MAGI2: variants seen among roughly 807,000 people sequenced by gnomAD.
MAGI2 encodes membrane-associated guanylate kinase, WW and PDZ domain-containing protein 2.
A neutral mutation model predicts 133.3 loss-of-function variants in MAGI2; 35 were observed. The observed-to-expected ratio is 0.26, with a 90% CI of 0.20 to 0.35. The LOEUF is 0.35. Among genes scored for constraint, MAGI2 ranks in the 10% least tolerant of loss-of-function variants. The pLI, the probability that MAGI2 is intolerant of heterozygous loss-of-function variation, is 1.00. For missense variants in MAGI2, 1,636 were observed against 1,863.4 expected (o/e 0.88, Z 2.25); for synonymous variants, 729 against 710.6 (o/e 1.03, Z -0.41).
intron 1 of MAGI2, among the ~76,000 whole-genome samples, chr7:79,449,571 T>C (rs942942308): frequency 6.6e-6 from 1 of 151,960 alleles, no homozygotes; most frequent in African/African-American, 2.4e-5. Context: ...CACTTCCATA[T>C]AGATCTCAAC....
chr7:79,050,481 C>T (rs1812575070), intron 1 of MAGI2, among the ~76,000 whole-genome samples: 2 of 152,148 alleles, frequency 1.3e-5, no homozygotes, highest in African/African-American at 4.8e-5. Context: ...CTGCTGGGCT[C>T]AAGCGATCCT....
chr7:79,105,973 A>G (rs1818419067), intron 1 of MAGI2, among the ~76,000 whole-genome samples: 1 of 152,216 alleles, frequency 6.6e-6, no homozygotes, highest in Admixed American at 6.5e-5. Context: ...AAGGAAAACA[A>G]AACAAAACAA....
rs538080851 is a variant in MAGI2, at chr7:78,627,035, A to G, written c.538+85T>C. 2.9e-5 allele frequency: 40 copies of G among 1,384,522 alleles called. No homozygotes were observed. The African/African-American group carries it at 4.3e-4, about 15-fold the overall frequency. The allele number at this position is 1,384,522 out of a possible 1,614,324, so 85.8% of individuals were successfully genotyped here. On this transcript the variant is annotated intron_variant, in intron 3 of 21. Coordinates refer to ENST00000354212, the MANE Select transcript of MAGI2 (RefSeq NM_012301.4). Reference sequence around the variant, plus strand: ...GCTCTCAAACCCAAAACAGCCCATTAGTAACCTGGTGTCCCCGTGCATTTC... The same window carrying G: ...GCTCTCAAACCCAAAACAGCCCATTGGTAACCTGGTGTCCCCGTGCATTTC...
intron 1 of MAGI2, among the ~76,000 whole-genome samples, chr7:79,325,217 C>T (rs983851056): frequency 2.0e-5 from 3 of 152,076 alleles, no homozygotes; most frequent in East Asian, 3.9e-4. Flanking sequence ...CTTTAGCATG[C>T]CACTGTCGCC....
intron 1 of MAGI2, among the ~76,000 whole-genome samples, chr7:79,406,676 G>A (rs895325726): frequency 1.3e-5 from 2 of 151,990 alleles, no homozygotes; most frequent in Admixed American, 6.6e-5. Context: ...CTACTTTTGA[G>A]TTACATAAGG....
intron 10 of MAGI2, among the ~76,000 whole-genome samples, chr7:78,250,132 T>C (rs929784948): frequency 1.3e-5 from 2 of 151,912 alleles, no homozygotes; most frequent in African/African-American, 4.8e-5. Context: ...AAATGAATAT[T>C]AAAAAACAGC....
rs572183123 is a variant in MAGI2, at chr7:79,049,990, G to A, written c.302-42784C>T. Reference sequence around the variant, plus strand: ...TCTGATTCTGTAGTCTGCTGTGTTCGCTGGCTGTTACTCAGGGAGCCTCAT... The same window carrying A: ...TCTGATTCTGTAGTCTGCTGTGTTCACTGGCTGTTACTCAGGGAGCCTCAT... On this transcript the variant is annotated intron_variant, in intron 1 of 21. Transcript: ENST00000354212. Among the ~76,000 whole-genome samples, 67 of 152,076 alleles carry A rather than the reference G, an allele frequency of 4.4e-4. No individual in the cohort carries two copies. The South Asian group carries it at 8.9e-3, about 20-fold the overall frequency.
intron 2 of MAGI2, among the ~76,000 whole-genome samples, chr7:78,902,987 G>A (rs1384185672): frequency 6.6e-6 from 1 of 151,974 alleles, no homozygotes; most frequent in African/African-American, 2.4e-5. Flanking sequence ...CAAATTACCA[G>A]GGTCATTCTA....
chr7:79,015,085 C>T (rs1808551133), intron 1 of MAGI2, among the ~76,000 whole-genome samples: 1 of 152,050 alleles, frequency 6.6e-6, no homozygotes, highest in South Asian at 2.1e-4. Context: ...AAGCTTATTT[C>T]ATTTTATATT....
intron 1 of MAGI2, among the ~76,000 whole-genome samples, chr7:79,335,036 G>A (rs923158088): frequency 1.3e-5 from 2 of 152,078 alleles, no homozygotes; most frequent in Non-Finnish European, 2.9e-5. Context: ...TTGGTTCTTG[G>A]TTTACATGGC....
At chr7:78,773,646 T>A (rs571594590) in intron 2 of MAGI2, among the ~76,000 whole-genome samples, 30 of 152,216 alleles carry the variant, frequency 2.0e-4, no homozygotes, top group Non-Finnish European at 3.8e-4. Context: ...AAAATTCTCC[T>A]TAAGGCGAGG....
Position 79,312,497 on chromosome 7 carries a change from C to T in MAGI2, c.301+140523G>A, listed in dbSNP as rs35970460. 7.6e-3 allele frequency among the ~76,000 whole-genome samples: 1,157 copies of T among 152,304 alleles called. 4 individuals carry two copies. Among genetic ancestry groups the T allele is most frequent in the Middle Eastern group, 0.014 (4 of 294 alleles). Reference sequence around the variant, plus strand: ...CACCCCTTCAATCAGTCTTGCTTGTCTATTCTATGTAATACCGCAACGTAG... The same window carrying T: ...CACCCCTTCAATCAGTCTTGCTTGTTTATTCTATGTAATACCGCAACGTAG... On this transcript the variant is annotated intron_variant, in intron 1 of 21. Transcript: ENST00000354212.
intron 6 of MAGI2, chr7:78,486,632 G>A (rs1184968784): frequency 3.2e-6 from 1 of 316,802 alleles, no homozygotes; most frequent in African/African-American, 2.2e-5. Flanking sequence ...ATTGAAGGAG[G>A]AATATCAGTC....
chr7:79,362,615 GTATGTAAGGCT>G (rs1030737539), intron 1 of MAGI2, among the ~76,000 whole-genome samples: 1 of 151,930 alleles, frequency 6.6e-6, no homozygotes, highest in African/African-American at 2.4e-5. Context: ...TTCATTTCAG[GTATGTAAGGCT>G]AGTTAACATT....
chr7:78,033,301 A>T (rs148395894), intron 21 of MAGI2, among the ~76,000 whole-genome samples: 1 of 152,026 alleles, frequency 6.6e-6, no homozygotes, highest in East Asian at 1.9e-4. Flanking sequence ...ACATAGCAAG[A>T]CCCTATCGCT....
intron 6 of MAGI2, among the ~76,000 whole-genome samples, chr7:78,481,511 C>A (rs1042945802): frequency 6.6e-6 from 1 of 151,780 alleles, no homozygotes; most frequent in Non-Finnish European, 1.5e-5. Flanking sequence ...GGACATAGAG[C>A]CAAACCATAT....
At chr7:78,144,480 C>G (rs1266797570) in intron 16 of MAGI2, among the ~76,000 whole-genome samples, 1 of 152,150 alleles carries the variant, frequency 6.6e-6, no homozygotes, top group Non-Finnish European at 1.5e-5. Context: ...CTATGTAAAT[C>G]TTGTTCACTG....
chr7:78,258,564 A>G, intron 9 of MAGI2, among the ~76,000 whole-genome samples: 1 of 152,120 alleles, frequency 6.6e-6, no homozygotes. Context: ...TTTGTTATTT[A>G]CATATACCTT....
intron 9 of MAGI2, among the ~76,000 whole-genome samples, chr7:78,312,025 T>C (rs1441981526): frequency 6.6e-6 from 1 of 152,114 alleles, no homozygotes; most frequent in African/African-American, 2.4e-5. Context: ...CCGGCCGGCC[T>C]CCCAAAGTGC....
Sources: allele counts gnomAD v4.1 joint callset (sites outside exome capture counted in the v4.1 genomes callset), GRCh38; gene constraint gnomAD v4.1.1; transcripts MANE v1.5; gene names NCBI Gene and HGNC (gene_info 2026-07-23, HGNC 2026-07-21).